The following CTRC variants were observed in gnomAD, a reference collection of about 807,000 sequenced individuals.
The protein encoded by CTRC is chymotrypsin C.
Under a neutral mutation model 35.7 loss-of-function variants are expected in CTRC, and 32 were observed. That is an observed-to-expected ratio of 0.90 (90% CI 0.68 to 1.20). The LOEUF (loss-of-function observed/expected upper bound fraction) is 1.20. Ranked by LOEUF, CTRC falls within the 50% of genes most tolerant of loss-of-function variation. The pLI, the probability that CTRC is intolerant of heterozygous loss-of-function variation, is 0.00. For synonymous variants in CTRC, 119 were observed against 149.5 expected (o/e 0.80, Z 1.49); for missense variants, 324 against 361.5 (o/e 0.90, Z 0.84).
rs559326793 is a variant in CTRC, at chr1:15,440,521, C to G, written c.161C>G (p.Thr54Arg). 2 of 1,614,216 alleles carry G rather than the reference C, an allele frequency of 1.2e-6. No homozygotes were observed. Among genetic ancestry groups the G allele is most frequent in the South Asian group, 2.2e-5 (2 of 91,068 alleles). Reference protein sequence around the residue: ...QISLQYLKNDTWRHTCGGTLI... With the variant: ...QISLQYLKNDRWRHTCGGTLI... ...TCCCTCCAGTACCTCAAGAACGACA[C>G]GTGGAGGCATACGTGTGGCGGGACT... The change falls in exon 3 of 8, where the codon ACG becomes AGG. Residue 54 changes from threonine (T) to arginine (R), a missense_variant. Transcript: ENST00000375949.
rs756090858 is a variant in CTRC at position 15,440,522 on chromosome 1, G to C, written c.162G>C (p.Thr54=). The C allele has an allele frequency of 1.3e-5, 21 of 1,614,076 alleles. No homozygotes were observed. Among genetic ancestry groups the C allele is most frequent in the Non-Finnish European group, 1.8e-5 (21 of 1,180,028 alleles). ...CCCTCCAGTACCTCAAGAACGACAC[G>C]TGGAGGCATACGTGTGGCGGGACTT... ...QISLQYLKND[T]WRHTCGGTLI... is the part of the protein sequence containing the mutation. The change falls in exon 3 of 8, where the codon ACG becomes ACC. Residue 54 remains threonine (T), a synonymous_variant. Transcript: ENST00000375949.
chr1:15,448,593 GC>G lies in CTRC; in HGVS notation c.*2006del, dbSNP rs1344403133. 4.0e-5 allele frequency: 6 copies of G among 151,574 alleles called. No homozygotes were observed. The highest frequency in any genetic ancestry group is 4.0e-4 in the Admixed American group (6 of 15,186). 9.4% of individuals were successfully genotyped at this position (151,574 alleles called of 1,614,324 possible). On this transcript the variant is annotated 3_prime_UTR_variant, in exon 8 of 8. Coordinates refer to ENST00000375949, the MANE Select transcript of CTRC (RefSeq NM_007272.3). ...GATCTCCTGATCTCGTGATCCACCT[GC>G]CTCGGCCTCCCAAAGTGCTGGCATT...
In CTRC at chr1:15,443,440, G is replaced by T. The variant is rs1391825093; in HGVS notation, c.378G>T (p.Lys126Asn). ...LLLRNDIALI[K>N]LAEHVELSDT... ...CCAGCAATGATATTGCCCTCATCAA[G>T]CTTGCAGAGCATGTGGAGCTGAGTG... Residue 126 changes from lysine to asparagine, a missense_variant, in exon 5 of 8, where the codon AAG becomes AAT. Coordinates refer to ENST00000375949, the MANE Select transcript of CTRC (RefSeq NM_007272.3). 7 of 1,614,098 alleles carry T rather than the reference G, an allele frequency of 4.3e-6. No individual in the cohort carries two copies. The South Asian group carries it at 7.7e-5, about 18-fold the overall frequency.
Position 15,448,221 on chromosome 1 carries a change from G to A in CTRC, c.*1632G>A, listed in dbSNP as rs1708249045. ...GGAGTCTTGCTCTGATGCCCAGGCT[G>A]GAGTGCAGTGGCACAATCTCAGCTC... is the stretch of plus-strand genomic sequence containing the variant. On this transcript the variant is annotated 3_prime_UTR_variant, in exon 8 of 8. Transcript: ENST00000375949. 7.1e-6 allele frequency: 1 copy of A among 141,832 alleles called. No individual in the cohort carries two copies. Among genetic ancestry groups the A allele is most frequent in the Admixed American group, 7.4e-5 (1 of 13,500 alleles). The allele number at this position is 141,832 out of a possible 1,614,324, so 8.8% of individuals were successfully genotyped here.
rs1247358814 is a variant in CTRC, at chr1:15,447,502, G to C, written c.*913G>C. 3 of 152,588 alleles carry C rather than the reference G, an allele frequency of 2.0e-5. No homozygotes were observed. Among genetic ancestry groups the C allele is most frequent in the Non-Finnish European group, 4.4e-5 (3 of 68,354 alleles). 9.5% of individuals were successfully genotyped at this position (152,588 alleles called of 1,614,324 possible). On this transcript the variant is annotated 3_prime_UTR_variant, in exon 8 of 8. Transcript: ENST00000375949. ...GCCAAGAGGAGCCAGAGATGAGATA[G>C]ACCCAGTGTCCAGGGAGGGACATGC...
intron 5 of CTRC, among the ~76,000 whole-genome samples, 180 bp downstream of exon 5, chr1:15,443,735 T>C (rs1399132338): frequency 1.3e-5 from 2 of 152,232 alleles, no homozygotes; most frequent in African/African-American, 4.8e-5. Flanking sequence ...CAAGGGTCTC[T>C]GAGAGATGTG....
Position 15,446,708 on chromosome 1 carries a change from C to A in CTRC, c.*119C>A. ...TTGCTTCCCTCCTCTCTGGTGCTGC[C>A]CCTTTCCACACTATGGAGCCAAAGA... On this transcript the variant is annotated 3_prime_UTR_variant, in exon 8 of 8. Coordinates refer to ENST00000375949, the MANE Select transcript of CTRC (RefSeq NM_007272.3). The A allele has an allele frequency of 8.5e-7, 1 of 1,178,738 alleles. No individual in the cohort carries two copies. 73.0% of individuals were successfully genotyped at this position (1,178,738 alleles called of 1,614,324 possible).
intron 5 of CTRC, among the ~76,000 whole-genome samples, chr1:15,444,401 T>C (rs1214553407): frequency 6.6e-6 from 1 of 152,164 alleles, no homozygotes; most frequent in African/African-American, 2.4e-5. Context: ...AACTCAACAC[T>C]GTAGCTTCCT....
intron 3 of CTRC, 142 bp downstream of exon 3, chr1:15,440,732 G>A: frequency 4.0e-6 from 3 of 747,756 alleles, no homozygotes; most frequent in Non-Finnish European, 4.7e-6. Context: ...TGTGCATTTA[G>A]TCAGTCAAGT....
intron 4 of CTRC, among the ~76,000 whole-genome samples, chr1:15,443,168 C>T (rs1194843559): frequency 6.6e-6 from 1 of 152,254 alleles, no homozygotes; most frequent in Non-Finnish European, 1.5e-5. Flanking sequence ...TCTCACCTCC[C>T]TCTGTTAACC....
At position 15,442,431 on chromosome 1, in the gene CTRC, C is replaced by T; in HGVS notation, c.231-16C>T. ...ACCAGGGGGCCACCCTGACCTGGAC[C>T]CCTTCCTCTGCCCAGCAACACCCGG... On this transcript the variant is annotated splice_polypyrimidine_tract_variant and intron_variant, in intron 3 of 7. Transcript: ENST00000375949. 1.9e-6 allele frequency: 3 copies of T among 1,604,406 alleles called. No homozygotes were observed. Among genetic ancestry groups the T allele is most frequent in the Non-Finnish European group, 2.6e-6 (3 of 1,175,308 alleles).
intron 5 of CTRC, 102 bp from the exon 6 acceptor site, chr1:15,444,504 T>C: frequency 6.9e-7 from 1 of 1,446,936 alleles, no homozygotes; most frequent in Non-Finnish European, 9.6e-7. Context: ...CAGCCGGCGC[T>C]CCCCTGGGTC....
At position 15,443,343 on chromosome 1, in the gene CTRC, CA is replaced by C. The variant is rs1294577012; in HGVS notation, c.357-75del. ...CACCCTGGGCCTGACTCCCAACTCA[CA>C]GCCCGAGCCCCTTAGCCTGAGCTTG... is the stretch of plus-strand genomic sequence containing the variant. On this transcript the variant is annotated intron_variant, in intron 4 of 7. Coordinates refer to ENST00000375949, the MANE Select transcript of CTRC (RefSeq NM_007272.3). 12 of 1,594,008 alleles carry C rather than the reference CA, an allele frequency of 7.5e-6. No homozygotes were observed. In the African/African-American group the frequency reaches 1.2e-4, roughly 16 times the overall value.
At chr1:15,442,252 G>C (rs1708145365) in intron 3 of CTRC, among the ~76,000 whole-genome samples, 195 bp from the exon 4 acceptor site, 1 of 152,172 alleles carries the variant, frequency 6.6e-6, no homozygotes, top group Non-Finnish European at 1.5e-5. Flanking sequence ...TACACAGCCA[G>C]GAGCAGCAAA....
intron 2 of CTRC, 31 bp from the exon 3 acceptor site, chr1:15,440,462 C>G (rs201395459): frequency 1.1e-5 from 18 of 1,612,714 alleles, no homozygotes; most frequent in Non-Finnish European, 1.4e-5. Flanking sequence ...GACCTGCAGG[C>G]TGACACACAG....
At position 15,444,746 on chromosome 1, in the gene CTRC, T is replaced by C; in HGVS notation, c.634T>C (p.Cys212Arg). 6.2e-7 allele frequency: 1 copy of C among 1,614,150 alleles called. No individual in the cohort carries two copies. The highest frequency in any genetic ancestry group is 8.5e-7 in the Non-Finnish European group (1 of 1,180,020). The stretch of plus-strand genomic sequence containing the variant: ...TGGGGGCGATGGCGTCATCTCAGCC[T>C]GCAATGTGAGTGGCTAGGTTCTGCA... Reference protein sequence around the residue: ...CAGGDGVISACNGDSGGPLNC... With the variant: ...CAGGDGVISARNGDSGGPLNC... The change falls in exon 6 of 8, where the codon TGC becomes CGC. Residue 212 changes from cysteine to arginine, a missense_variant. By Grantham distance (180) the Cys-to-Arg change is radical. Transcript: ENST00000375949.
rs368316671 is a variant in CTRC, at chr1:15,443,963, G to A, written c.493+408G>A. On this transcript the variant is annotated intron_variant, in intron 5 of 7. Coordinates refer to ENST00000375949, the MANE Select transcript of CTRC (RefSeq NM_007272.3). ...TGCAGATCACTATTTAGAAAATCCT[G>A]GGGGAGAAGTCAGCTGTGGCGGCTC... Among the ~76,000 whole-genome samples the A allele has an allele frequency of 1.7e-4, 26 of 152,220 alleles. 1 individual carries two copies. The South Asian group carries it at 5.0e-3, about 29-fold the overall frequency.
rs1207286243 is a variant in CTRC at position 15,444,726 on chromosome 1, G to A, written c.614G>A (p.Gly205Asp). ...RVKKTMVCAG[G>D]DGVISACNGD... ...AAGAAAACCATGGTGTGCGCTGGGG[G>A]CGATGGCGTCATCTCAGCCTGCAAT... The change falls in exon 6 of 8, where the codon GGC becomes GAC. Residue 205 changes from glycine (G) to aspartate (D), a missense_variant. Gly to Asp is a moderately conservative substitution (Grantham distance 94). Coordinates refer to ENST00000375949, the MANE Select transcript of CTRC (RefSeq NM_007272.3). 5.0e-6 allele frequency: 8 copies of A among 1,614,230 alleles called. No individual in the cohort carries two copies. The highest frequency in any genetic ancestry group is 5.9e-6 in the Non-Finnish European group (7 of 1,180,032).
rs531629409 is a variant in CTRC, at chr1:15,447,977, ACAGAAATACAGAC to A, written c.*1394_*1406del. On this transcript the variant is annotated 3_prime_UTR_variant, in exon 8 of 8. Transcript: ENST00000375949. ...TAAATTCCCTGGTATACATTTGAAA[ACAGAAATACAGAC>A]CAGAAGCATAGAAACAGGACACCTG... The A allele has an allele frequency of 1.7e-3, 254 of 152,272 alleles. No homozygotes were observed. Among genetic ancestry groups the A allele is most frequent in the African/African-American group, 5.4e-3 (225 of 41,546 alleles). The allele number at this position is 152,272 out of a possible 1,614,324, so 9.4% of individuals were successfully genotyped here. A position where few individuals can be genotyped will look rare whatever the true frequency, so the allele number is the denominator to read the frequency against.
Sources: gnomAD v4.1 joint callset for allele counts (sites outside exome capture counted in the v4.1 genomes callset) on GRCh38, gnomAD v4.1.1 for gene constraint, MANE v1.5 for transcripts, NCBI Gene and HGNC (gene_info 2026-07-23, HGNC 2026-07-21) for gene names.